TRAF1: variants seen among roughly 807,000 people sequenced by gnomAD.
TRAF1 encodes TNF receptor associated factor 1.
A neutral mutation model predicts 40.9 loss-of-function variants in TRAF1; 23 were observed. That is an observed-to-expected ratio of 0.56 (90% CI 0.40 to 0.80). TRAF1 has a LOEUF of 0.80. Ranked by LOEUF, TRAF1 falls within the 30% of genes least tolerant of loss-of-function variation. The pLI is 0.00. For missense variants in TRAF1, 477 were observed against 528.7 expected, an observed-to-expected ratio of 0.90 and a Z score of 0.96; for synonymous variants, 206 against 218.8, an observed-to-expected ratio of 0.94 and a Z score of 0.52.
chr9:120,925,893 G>A, intron 2 of TRAF1, 43 bp downstream of exon 2: 1 of 1,612,198 alleles, frequency 6.2e-7, no homozygotes, highest in Admixed American at 1.7e-5. Context: ...GTCCCTCCCT[G>A]GCACCCACTT....
chr9:120,923,675 C>A, intron 3 of TRAF1, 30 bp downstream of exon 3: 2 of 1,612,120 alleles, frequency 1.2e-6, no homozygotes, highest in Admixed American at 3.3e-5. Context: ...AGACAACGGA[C>A]AAATGCCTTT....
chr9:120,913,828 G>T (rs2046549693), intron 4 of TRAF1, 90 bp from the exon 5 acceptor site: 5 of 1,406,650 alleles, frequency 3.6e-6, no homozygotes, highest in Non-Finnish European at 4.8e-6. Flanking sequence ...GGTCACCAAG[G>T]ATTATTCATT....
At position 120,923,760 on chromosome 9, in the gene TRAF1, C is replaced by G. The variant is rs141143362; in HGVS notation, c.173G>C (p.Arg58Thr). ...NGEDQICPKC[R>T]GEDLQSISPG... ...GCTTATAGACTGGAGGTCTTCCCCT[C>G]TGCATTTGGGGCAGATCTGATCCTC... The change falls in exon 3 of 8, where the codon AGA becomes ACA. Residue 58 changes from arginine to threonine, a missense_variant. Transcript: ENST00000373887. 1.2e-6 allele frequency: 2 copies of G among 1,614,166 alleles called. No individual in the cohort carries two copies. The highest frequency in any genetic ancestry group is 1.7e-6 in the Non-Finnish European group (2 of 1,180,028).
At chr9:120,905,380 A>G in intron 7 of TRAF1, 142 bp from the exon 8 acceptor site, 1 of 947,170 alleles carries the variant, frequency 1.1e-6, no homozygotes, top group Non-Finnish European at 1.6e-6. Context: ...TAGGAGTCAG[A>G]GAAACCAAGT....
rs2046640250 is a variant in TRAF1, at chr9:120,926,261, C to T, written c.-186G>A. 5.6e-6 allele frequency: 3 copies of T among 535,180 alleles called. No individual in the cohort carries two copies. Among genetic ancestry groups the T allele is most frequent in the African/African-American group, 2.0e-5 (1 of 50,612 alleles). 33.2% of individuals were successfully genotyped at this position (535,180 alleles called of 1,614,324 possible). A position where few individuals can be genotyped will look rare whatever the true frequency, so the allele number is the denominator to read the frequency against. ...CACAGCAGGGATGGAGCAGGAATTA[C>T]CCTTTGTGGCGATAAAAATCCCCTG... On this transcript the variant is annotated 5_prime_UTR_variant, in exon 2 of 8. Transcript: ENST00000373887.
chr9:120,926,321 T>A lies in TRAF1; in HGVS notation c.-226-20A>T, dbSNP rs2046640740. ...TGAAGGCTTTAGGAGTGTCCAGTCA[T>A]TTTTTTTTTTTTTTAGAGTGAGAAA... On this transcript the variant is annotated intron_variant, in intron 1 of 7. Transcript: ENST00000373887. 1 of 107,856 alleles carries A rather than the reference T, an allele frequency of 9.3e-6. No individual in the cohort carries two copies. The highest frequency in any genetic ancestry group is 1.7e-5 in the Non-Finnish European group (1 of 58,254). 6.7% of individuals were successfully genotyped at this position (107,856 alleles called of 1,614,324 possible). A position where few individuals can be genotyped will look rare whatever the true frequency, so the allele number is the denominator to read the frequency against.
intron 3 of TRAF1, 171 bp from the exon 4 acceptor site, chr9:120,914,471 C>T (rs2046555736): frequency 1.6e-6 from 2 of 1,223,130 alleles, no homozygotes; most frequent in Non-Finnish European, 2.0e-6. Context: ...TTCCACCCTT[C>T]CATGACCTTC....
chr9:120,906,444 G>A (rs959090240), intron 7 of TRAF1, among the ~76,000 whole-genome samples: 3 of 152,138 alleles, frequency 2.0e-5, no homozygotes, highest in Admixed American at 6.6e-5. Context: ...CTTCCAAAGT[G>A]CCAGAATTAC....
chr9:120,906,715 T>C (rs1313538529), intron 7 of TRAF1, among the ~76,000 whole-genome samples: 4 of 152,190 alleles, frequency 2.6e-5, no homozygotes, highest in African/African-American at 7.2e-5. Flanking sequence ...TCACTTTCTA[T>C]GGGTTTTGAC....
At chr9:120,909,186 C>A in intron 7 of TRAF1, 44 bp downstream of exon 7, 1 of 1,596,386 alleles carries the variant, frequency 6.3e-7, no homozygotes, top group Non-Finnish European at 8.5e-7. Context: ...AGGACTCAGG[C>A]TTCCATGCTC....
chr9:120,924,784 A>G (rs949587712), intron 2 of TRAF1, among the ~76,000 whole-genome samples: 1 of 152,176 alleles, frequency 6.6e-6, no homozygotes, highest in African/African-American at 2.4e-5. Flanking sequence ...TCTATTTTAC[A>G]AGTGAGGGAA....
intron 2 of TRAF1, among the ~76,000 whole-genome samples, chr9:120,925,616 T>C (rs2046633918): frequency 6.6e-6 from 1 of 152,184 alleles, no homozygotes; most frequent in Non-Finnish European, 1.5e-5. Context: ...GAAAACAGCT[T>C]TACAGACAAG....
At chr9:120,913,830 T>A (rs2131625827) in intron 4 of TRAF1, 92 bp from the exon 5 acceptor site, 1 of 1,401,962 alleles carries the variant, frequency 7.1e-7, no homozygotes, top group South Asian at 1.4e-5. Context: ...TCACCAAGGA[T>A]TATTCATTCA....
chr9:120,917,619 C>T lies in TRAF1; in HGVS notation c.229-3319G>A, dbSNP rs372457709. On this transcript the variant is annotated intron_variant, in intron 3 of 7. Transcript: ENST00000373887. ...TAACATGGAAATGTCAGCAGGACTG[C>T]GTTGCTCCTGGAGGCCCAAGGGGAG... is the stretch of plus-strand genomic sequence containing the variant. Among the ~76,000 whole-genome samples, 43 of 152,280 alleles carry T rather than the reference C, an allele frequency of 2.8e-4. No individual in the cohort carries two copies. In the East Asian group the frequency reaches 6.2e-3, roughly 22 times the overall value.
rs879814436 is a variant in TRAF1 at position 120,902,511 on chromosome 9, T to TGG, written c.*2507_*2508dup. On this transcript the variant is annotated 3_prime_UTR_variant, in exon 8 of 8. Coordinates refer to ENST00000373887, the MANE Select transcript of TRAF1 (RefSeq NM_005658.5). Reference sequence around the variant, plus strand: ...GGTGCTCTGTGGGCAGGGCGGGGGGTGGGGGGGGGGGCGGTGGGCACTGCT... The same window carrying TGG: ...GGTGCTCTGTGGGCAGGGCGGGGGGTGGGGGGGGGGGGGCGGTGGGCACTGCT... 4.6e-5 allele frequency: 3 copies of TGG among 64,594 alleles called. No individual in the cohort carries two copies. In the East Asian group the frequency reaches 1.5e-3, roughly 33 times the overall value. 4.0% of individuals were successfully genotyped at this position (64,594 alleles called of 1,614,324 possible).
chr9:120,922,536 C>A (rs575245882), intron 3 of TRAF1, among the ~76,000 whole-genome samples: 86 of 152,238 alleles, frequency 5.6e-4, no homozygotes, highest in African/African-American at 2.0e-3. Context: ...GGACATGTAA[C>A]CTATGAGGGT....
At chr9:120,910,778 T>C (rs2046520506) in intron 6 of TRAF1, among the ~76,000 whole-genome samples, 1 of 152,208 alleles carries the variant, frequency 6.6e-6, no homozygotes, top group South Asian at 2.1e-4. Flanking sequence ...TGCCAAGTAA[T>C]TACTTTATGC....
At chr9:120,914,867 T>C (rs1564119398) in intron 3 of TRAF1, among the ~76,000 whole-genome samples, 1 of 152,222 alleles carries the variant, frequency 6.6e-6, no homozygotes, top group East Asian at 1.9e-4. Context: ...GCTATTATAA[T>C]AGCAATTTGA....
At chr9:120,921,561 C>A (rs1274602345) in intron 3 of TRAF1, among the ~76,000 whole-genome samples, 5 of 152,024 alleles carry the variant, frequency 3.3e-5, no homozygotes, top group Non-Finnish European at 7.4e-5. Flanking sequence ...CATAGTGGCT[C>A]ACAGAGTTGA....
Sources: allele counts gnomAD v4.1 joint callset (sites outside exome capture counted in the v4.1 genomes callset), GRCh38; gene constraint gnomAD v4.1.1; transcripts MANE v1.5; gene names NCBI Gene and HGNC (gene_info 2026-07-23, HGNC 2026-07-21).